The following DIP2C variants were observed in gnomAD, a reference collection of about 807,000 sequenced individuals.
DIP2C encodes the protein disco-interacting protein 2 homolog C.
Under a neutral mutation model 192.4 loss-of-function variants are expected in DIP2C, and 33 were observed. The ratio of observed to expected loss-of-function variants is 0.17; its 90% CI spans 0.13 to 0.23. DIP2C has a LOEUF of 0.23. DIP2C is among the 10% of genes least tolerant of loss of function. The pLI, the probability that DIP2C is intolerant of heterozygous loss-of-function variation, is 1.00. For missense variants in DIP2C, 1,537 were observed against 2,110.1 expected (o/e 0.73, Z 5.32); for synonymous variants, 979 against 864.1 (o/e 1.13, Z -2.33).
chr10:570,206 T>C (rs1011949810), intron 1 of DIP2C, among the ~76,000 whole-genome samples: 1 of 152,206 alleles, frequency 6.6e-6, no homozygotes, highest in African/African-American at 2.4e-5. Context: ...TGTGAGTCTA[T>C]GACGTGTCAG....
intron 29 of DIP2C, 125 bp downstream of exon 29, chr10:341,074 C>T (rs967336609): frequency 1.5e-6 from 2 of 1,365,014 alleles, no homozygotes; most frequent in African/African-American, 2.9e-5. Flanking sequence ...CACGGGTAAG[C>T]CCCAGGCCTC....
intron 2 of DIP2C, among the ~76,000 whole-genome samples, chr10:484,396 G>A (rs1843842762): frequency 6.6e-6 from 1 of 152,186 alleles, no homozygotes; most frequent in Non-Finnish European, 1.5e-5. Flanking sequence ...GCAGATCTCA[G>A]AGGCCAAGAC....
At chr10:313,825 TAC>T (rs1341316625) in intron 31 of DIP2C, among the ~76,000 whole-genome samples, 2 of 152,236 alleles carry the variant, frequency 1.3e-5, no homozygotes, top group African/African-American at 4.8e-5. Context: ...GGTGAAGATA[TAC>T]AGACTCACAC....
chr10:634,905 T>A (rs987067099), intron 1 of DIP2C, among the ~76,000 whole-genome samples: 1 of 152,212 alleles, frequency 6.6e-6, no homozygotes, highest in Non-Finnish European at 1.5e-5. Context: ...GATCCATACC[T>A]AAATCCTTAT....
chr10:644,969 G>C (rs1855376388), intron 1 of DIP2C, among the ~76,000 whole-genome samples: 1 of 152,228 alleles, frequency 6.6e-6, no homozygotes, highest in Non-Finnish European at 1.5e-5. Flanking sequence ...CTGTGAGGAA[G>C]GTGAGAAAGG....
intron 1 of DIP2C, among the ~76,000 whole-genome samples, chr10:670,375 CACAT>C (rs1156282428): frequency 9.9e-5 from 15 of 152,254 alleles, no homozygotes; most frequent in African/African-American, 2.9e-4. Context: ...CACATGCACA[CACAT>C]GCATGTGTAC....
intron 5 of DIP2C, among the ~76,000 whole-genome samples, chr10:419,969 G>C (rs1300818426): frequency 6.6e-6 from 1 of 152,188 alleles, no homozygotes; most frequent in East Asian, 1.9e-4. Context: ...AGGAAGATGT[G>C]CCAAGCAGCC....
chr10:649,168 G>C (rs1452756548), intron 1 of DIP2C, among the ~76,000 whole-genome samples: 8 of 150,652 alleles, frequency 5.3e-5, no homozygotes, highest in Non-Finnish European at 1.0e-4. Context: ...CGAGAACAGA[G>C]GGAAACTGAG....
intron 1 of DIP2C, among the ~76,000 whole-genome samples, chr10:528,313 T>C (rs1219182624): frequency 6.8e-6 from 1 of 147,406 alleles, no homozygotes; most frequent in African/African-American, 2.5e-5. Flanking sequence ...CCACCCAGAA[T>C]GCAGACCGCC....
intron 1 of DIP2C, among the ~76,000 whole-genome samples, chr10:541,973 G>A (rs551410814): frequency 2.0e-5 from 3 of 152,290 alleles, no homozygotes; most frequent in African/African-American, 4.8e-5. Context: ...TCTGGGCCGC[G>A]TGCCAGGACA....
chr10:383,439 G>A (rs1057153532), intron 16 of DIP2C, among the ~76,000 whole-genome samples: 3 of 152,280 alleles, frequency 2.0e-5, no homozygotes, highest in African/African-American at 4.8e-5. Context: ...AAGCATGCTA[G>A]CTAGGTTCTT....
chr10:495,360 CA>C (rs1319406653), intron 1 of DIP2C, among the ~76,000 whole-genome samples: 2 of 152,156 alleles, frequency 1.3e-5, no homozygotes, highest in Non-Finnish European at 2.9e-5. Context: ...AACAATGCAT[CA>C]TCTGCCTGAA....
chr10:421,395 C>T (rs757373754), intron 5 of DIP2C, among the ~76,000 whole-genome samples: 2 of 152,256 alleles, frequency 1.3e-5, no homozygotes, highest in African/African-American at 2.4e-5. Context: ...GAATAAAATC[C>T]GAGGATACAA....
chr10:574,185 G>A (rs1339274128), intron 1 of DIP2C, among the ~76,000 whole-genome samples: 2 of 152,170 alleles, frequency 1.3e-5, no homozygotes, highest in Non-Finnish European at 2.9e-5. Context: ...GCTGCTTTTA[G>A]CAATAGGCTT....
At chr10:533,139 C>A (rs1847512870) in intron 1 of DIP2C, among the ~76,000 whole-genome samples, 1 of 152,182 alleles carries the variant, frequency 6.6e-6, no homozygotes, top group East Asian at 1.9e-4. Context: ...CATTCAAGGT[C>A]AGTATCTAAG....
chr10:521,859 T>G (rs1316808369), intron 1 of DIP2C, among the ~76,000 whole-genome samples: 3 of 152,088 alleles, frequency 2.0e-5, no homozygotes, highest in African/African-American at 7.2e-5. Flanking sequence ...CCCCAGCACA[T>G]GCACAGCCTC....
Position 277,302 on chromosome 10 carries a change from T to C in DIP2C, c.*23A>G. On this transcript the variant is annotated 3_prime_UTR_variant, in exon 37 of 37. Transcript: ENST00000280886. The stretch of plus-strand genomic sequence containing the variant: ...AACAATGTCTACATCTCTAGAAAAG[T>C]CCATGGAAGCCAAGAGACGAGACTA... 1 of 1,611,758 alleles carries C rather than the reference T, an allele frequency of 6.2e-7. No individual in the cohort carries two copies. Among genetic ancestry groups the C allele is most frequent in the Non-Finnish European group, 8.5e-7 (1 of 1,179,278 alleles).
At chr10:503,773 T>C (rs1378812638) in intron 1 of DIP2C, among the ~76,000 whole-genome samples, 3 of 152,216 alleles carry the variant, frequency 2.0e-5, no homozygotes, top group Non-Finnish European at 4.4e-5. Flanking sequence ...CATTTTTACA[T>C]CTTTCAGGAC....
chr10:624,033 C>T (rs1424158938), intron 1 of DIP2C, among the ~76,000 whole-genome samples: 1 of 152,236 alleles, frequency 6.6e-6, no homozygotes, highest in Non-Finnish European at 1.5e-5. Flanking sequence ...GGGCTCGAAC[C>T]GCCACCCTGC....
Sources: allele counts gnomAD v4.1 joint callset (sites outside exome capture counted in the v4.1 genomes callset), GRCh38; gene constraint gnomAD v4.1.1; transcripts MANE v1.5; gene names NCBI Gene and HGNC (gene_info 2026-07-23, HGNC 2026-07-21).